ARHGEF17: variants seen among roughly 807,000 people sequenced by gnomAD.
ARHGEF17 encodes the protein Rho guanine nucleotide exchange factor 17.
Under a neutral mutation model 174.0 loss-of-function variants are expected in ARHGEF17, and 80 were observed. The observed-to-expected ratio is 0.46, with a 90% CI of 0.38 to 0.55. The LOEUF (loss-of-function observed/expected upper bound fraction) is 0.55, where lower values mean the gene tolerates loss of function less well. Ranked by LOEUF, ARHGEF17 falls within the 20% of genes least tolerant of loss-of-function variation. The probability of loss-of-function intolerance (pLI) is 0.00; values close to 1 mark genes in which losing one functional copy is unlikely to be tolerated. For synonymous variants in ARHGEF17, 1,311 were observed against 1,189.1 expected, an observed-to-expected ratio of 1.10 and a Z score of -2.11; for missense variants, 2,886 against 2,839.7, an observed-to-expected ratio of 1.02 and a Z score of -0.37.
intron 4 of ARHGEF17, 36 bp from the exon 5 acceptor site, chr11:73,355,825 G>A: frequency 6.2e-7 from 1 of 1,612,756 alleles, no homozygotes; most frequent in Non-Finnish European, 8.5e-7. Flanking sequence ...TTCCTGGCAT[G>A]TCATTCCTCA....
chr11:73,365,769 T>A lies in ARHGEF17; in HGVS notation c.5817T>A (p.Ser1939Arg). 1 of 1,613,700 alleles carries A rather than the reference T, an allele frequency of 6.2e-7. No homozygotes were observed. The change falls in exon 20 of 21, where the codon AGT (serine) becomes AGA (arginine). Residue 1939 changes from serine to arginine, a missense_variant. By Grantham distance (110) the Ser-to-Arg change is moderately radical (BLOSUM62 -1). Transcript: ENST00000263674. This position sits in a 1 kb window ranked among gnomAD's most constrained non-coding sequence, Gnocchi z 4.9. ...AGGAGCTGCTGTGGGTGGGCACCAG[T>A]GCTGGTGTCGTCCTCACCATGCCCA... Reference protein sequence around the residue: ...VCEELLWVGTSAGVVLTMPTS... With the variant: ...VCEELLWVGTRAGVVLTMPTS...
Position 73,353,077 on chromosome 11 carries a change from C to T in ARHGEF17, c.3453+65C>T. On this transcript the variant is annotated intron_variant, in intron 3 of 20. Transcript: ENST00000263674. ...CCCTCCTGGAAGGGGCTGGATGTGGCCACGGACCCCACCCCCACCCATCCC... is the reference window on the plus strand; with the variant it reads ...CCCTCCTGGAAGGGGCTGGATGTGGTCACGGACCCCACCCCCACCCATCCC... 2.5e-6 allele frequency: 4 copies of T among 1,579,064 alleles called. No individual in the cohort carries two copies. The Admixed American group carries it at 6.7e-5, about 27-fold the overall frequency.
rs973300415 is a variant in ARHGEF17, at chr11:73,365,347, G to A, written c.5551-43G>A. The A allele has an allele frequency of 4.4e-6, 7 of 1,609,144 alleles. No homozygotes were observed. The East Asian group carries it at 1.6e-4, about 36-fold the overall frequency. On this transcript the variant is annotated intron_variant, in intron 18 of 20. Coordinates refer to ENST00000263674, the MANE Select transcript of ARHGEF17 (RefSeq NM_014786.4). This position sits in a 1 kb window ranked among gnomAD's most constrained non-coding sequence, Gnocchi z 4.9. ...CTCCAGGCTAGGGTGGGCCAAGGGA[G>A]GCAGGCCTGCCAATGACCCATCTTC... is the stretch of plus-strand genomic sequence containing the variant.
chr11:73,342,003 T>C (rs927908805), intron 1 of ARHGEF17, among the ~76,000 whole-genome samples: 1 of 152,122 alleles, frequency 6.6e-6, no homozygotes, highest in Non-Finnish European at 1.5e-5. Flanking sequence ...TCAGTCCAGA[T>C]TGAGTCTAGG....
At chr11:73,356,610 C>T in intron 6 of ARHGEF17, 99 bp from the exon 7 acceptor site, 2 of 1,501,318 alleles carry the variant, frequency 1.3e-6, no homozygotes, top group Non-Finnish European at 1.8e-6. Context: ...CTTCCATTGG[C>T]CTAGCCCATG....
At position 73,360,472 on chromosome 11, in the gene ARHGEF17, C is replaced by G; in HGVS notation, c.4359C>G (p.Phe1453Leu). 2.5e-6 allele frequency: 4 copies of G among 1,614,080 alleles called. No individual in the cohort carries two copies. Among genetic ancestry groups the G allele is most frequent in the Non-Finnish European group, 3.4e-6 (4 of 1,180,054 alleles). ...GCACCGACTCCTACATTTTTGAGTTCCCTCACCCTGACGCCCGCCTTGGTT... is the reference window on the plus strand; with the variant it reads ...GCACCGACTCCTACATTTTTGAGTTGCCTCACCCTGACGCCCGCCTTGGTT... ...PEGTDSYIFEFPHPDARLGFE... is the reference protein window; with the variant it reads ...PEGTDSYIFELPHPDARLGFE... The change falls in exon 11 of 21, where the codon TTC becomes TTG. Residue 1453 changes from phenylalanine to leucine, a missense_variant. Around this residue, in one of 4 missense-constraint regions of ARHGEF17, gnomAD observed 476 missense variants for 473.1 expected, o/e 1.01. Coordinates refer to ENST00000263674, the MANE Select transcript of ARHGEF17 (RefSeq NM_014786.4).
At chr11:73,363,975 G>A in intron 16 of ARHGEF17, 142 bp downstream of exon 16, 7 of 1,102,724 alleles carry the variant, frequency 6.3e-6, no homozygotes, top group Non-Finnish European at 9.2e-6. Context: ...TAGGCTAGCT[G>A]TGCCTCTTAC....
At chr11:73,346,616 G>A (rs1484938902) in intron 1 of ARHGEF17, among the ~76,000 whole-genome samples, 3 of 152,188 alleles carry the variant, frequency 2.0e-5, no homozygotes, top group Non-Finnish European at 1.5e-5. Flanking sequence ...GGTGGATGGG[G>A]CAGGGGCAGA....
At chr11:73,327,925 T>C (rs1219213572) in intron 1 of ARHGEF17, among the ~76,000 whole-genome samples, 1 of 152,206 alleles carries the variant, frequency 6.6e-6, no homozygotes, top group Non-Finnish European at 1.5e-5. Context: ...AGCTGAGTAC[T>C]CACGTGTTAG....
At chr11:73,355,186 C>A (rs867005172) in intron 3 of ARHGEF17, among the ~76,000 whole-genome samples, 1 of 152,172 alleles carries the variant, frequency 6.6e-6, no homozygotes, top group African/African-American at 2.4e-5. Flanking sequence ...GAAAGGGAGA[C>A]CTGCCTGGCT....
intron 1 of ARHGEF17, among the ~76,000 whole-genome samples, chr11:73,331,505 G>GT (rs1428720947): frequency 6.6e-6 from 1 of 152,126 alleles, no homozygotes; most frequent in Non-Finnish European, 1.5e-5. Flanking sequence ...CATTGCCATG[G>GT]CAACAGCCAG....
chr11:73,327,318 G>T (rs1865118465), intron 1 of ARHGEF17, among the ~76,000 whole-genome samples: 2 of 152,264 alleles, frequency 1.3e-5, no homozygotes, highest in Admixed American at 6.5e-5. Context: ...CAGTGGACAG[G>T]CAGGAGCACA....
At position 73,367,792 on chromosome 11, in the gene ARHGEF17, G is replaced by A. The variant is rs376540809; in HGVS notation, c.*12G>A. On this transcript the variant is annotated 3_prime_UTR_variant, in exon 21 of 21. Transcript: ENST00000263674. ...TGTGGAGGGTGTGACCCTGTCTGCCGTGGCCCAGGACTCGCCCGCCCACCT... is the reference window on the plus strand; with the variant it reads ...TGTGGAGGGTGTGACCCTGTCTGCCATGGCCCAGGACTCGCCCGCCCACCT... 3.3e-5 allele frequency: 53 copies of A among 1,601,040 alleles called. No homozygotes were observed. The highest frequency in any genetic ancestry group is 3.3e-4 in the Middle Eastern group (2 of 6,000).
At chr11:73,363,577 G>T in intron 15 of ARHGEF17, 122 bp downstream of exon 15, 1 of 1,508,576 alleles carries the variant, frequency 6.6e-7, no homozygotes, top group Non-Finnish European at 8.9e-7. Flanking sequence ...GGGTACTGCT[G>T]ACCAGGGATG....
intron 2 of ARHGEF17, chr11:73,347,165 G>C (rs947468379): frequency 5.8e-6 from 4 of 689,406 alleles, no homozygotes; most frequent in Non-Finnish European, 1.1e-5. Context: ...AGAATGCAGA[G>C]GGGCCAGGCC....
chr11:73,333,150 C>G (rs1865235527), intron 1 of ARHGEF17, among the ~76,000 whole-genome samples: 1 of 152,182 alleles, frequency 6.6e-6, no homozygotes, highest in Non-Finnish European at 1.5e-5. Flanking sequence ...CTGGGTGGTT[C>G]CACTTATTGC....
chr11:73,325,453 C>G (rs1344074982), intron 1 of ARHGEF17, among the ~76,000 whole-genome samples: 1 of 152,222 alleles, frequency 6.6e-6, no homozygotes, highest in South Asian at 2.1e-4. Context: ...CTGAAACCAA[C>G]AGTTCCCACA....
At chr11:73,346,781 A>G in intron 1 of ARHGEF17, 102 bp from the exon 2 acceptor site, 3 of 918,842 alleles carry the variant, frequency 3.3e-6, no homozygotes, top group African/African-American at 1.7e-5. Flanking sequence ...CCAGGAGGGC[A>G]GGGAGAGGGT....
At chr11:73,351,020 T>A (rs1257138248) in intron 2 of ARHGEF17, among the ~76,000 whole-genome samples, 1 of 152,178 alleles carries the variant, frequency 6.6e-6, no homozygotes, top group African/African-American at 2.4e-5. Flanking sequence ...TGTTCTTTCC[T>A]CCTGCTGTGT....
Sources: allele counts gnomAD v4.1 joint callset (sites outside exome capture counted in the v4.1 genomes callset), GRCh38; gene constraint gnomAD v4.1.1; regional missense constraint gnomAD v4.1.1; non-coding constraint Gnocchi (gnomAD v3.1); transcripts MANE v1.5; gene names NCBI Gene and HGNC (gene_info 2026-07-23, HGNC 2026-07-21).